The following LRIT1 variants were observed in gnomAD, a reference collection of about 807,000 sequenced individuals.
The protein encoded by LRIT1 is leucine-rich repeat, immunoglobulin-like domain and transmembrane domain-containing protein 1.
A neutral mutation model predicts 24.0 loss-of-function variants in LRIT1; 23 were observed. The observed-to-expected ratio is 0.96, with a 90% confidence interval of 0.69 to 1.36. The LOEUF (loss-of-function observed/expected upper bound fraction) is 1.36, where lower values mean the gene tolerates loss of function less well. Among genes scored for constraint, LRIT1 ranks in the 40% most tolerant of loss-of-function variants. The pLI is 0.00. For synonymous variants in LRIT1, 361 were observed against 340.5 expected, an observed-to-expected ratio of 1.06 and a Z score of -0.66; for missense variants, 846 against 806.3, an observed-to-expected ratio of 1.05 and a Z score of -0.60.
In LRIT1 at chr10:84,232,703, C is replaced by G; in HGVS notation, c.1096G>C (p.Gly366Arg). The change falls in exon 4 of 4, where the codon GGT (glycine) becomes CGT (arginine). Residue 366 changes from glycine to arginine, a missense_variant. Physicochemically the swap from Gly to Arg is moderately radical, Grantham distance 125. Coordinates refer to ENST00000372105, the MANE Select transcript of LRIT1 (RefSeq NM_015613.3). ...TAAGCAGCAGCTTCCCCTCCGCCAC[C>G]TGTCCTTGCCCATAGTGCTCCTGGG... is the stretch of plus-strand genomic sequence containing the variant. The part of the protein sequence containing the change: ...GSPGALWART[G>R]GGGEAAAYNN... 1.2e-6 allele frequency: 2 copies of G among 1,613,904 alleles called. No homozygotes were observed. Among genetic ancestry groups the G allele is most frequent in the Non-Finnish European group, 1.7e-6 (2 of 1,179,882 alleles).
Position 84,241,432 on chromosome 10 carries a change from A to G in LRIT1, c.8T>C (p.Val3Ala), listed in dbSNP as rs1564545813. ...CAAGAGCCAGAGCATGCCTAATGCCACCCTCATGGCTCCTGGCTCCTCTCT... is the reference window on the plus strand; with the variant it reads ...CAAGAGCCAGAGCATGCCTAATGCCGCCCTCATGGCTCCTGGCTCCTCTCT... MR[V>A]ALGMLWLLAL... Residue 3 changes from valine to alanine, a missense_variant, in exon 1 of 4, where the codon GTG (valine) becomes GCG (alanine). Transcript: ENST00000372105. 1.3e-6 allele frequency: 2 copies of G among 1,585,630 alleles called. No homozygotes were observed. The highest frequency in any genetic ancestry group is 1.7e-6 in the Non-Finnish European group (2 of 1,167,490).
chr10:84,232,765 A>G lies in LRIT1; in HGVS notation c.1034T>C (p.Val345Ala). The G allele has an allele frequency of 5.0e-6, 8 of 1,614,024 alleles. No individual in the cohort carries two copies. The highest frequency in any genetic ancestry group is 6.8e-6 in the Non-Finnish European group (8 of 1,180,020). Reference sequence around the variant, plus strand: ...TTCTGTGGAAGTCGGTGGCTCAGTGACAATCAAGGAGATAACAGTTTCAGA... The same window carrying G: ...TTCTGTGGAAGTCGGTGGCTCAGTGGCAATCAAGGAGATAACAGTTTCAGA... ...GASETVISLI[V>A]TEPPTSTEHS... The change falls in exon 4 of 4, where the codon GTC (valine) becomes GCC (alanine). Residue 345 changes from valine to alanine, a missense_variant. Physicochemically the swap from Val to Ala is moderately conservative, Grantham distance 64. Transcript: ENST00000372105.
Position 84,239,929 on chromosome 10 carries a change from G to A in LRIT1, c.122+1389C>T, listed in dbSNP as rs575985834. The stretch of plus-strand genomic sequence containing the variant: ...GGACCCTCCATGCAGATGGGCTGGT[G>A]CATGTTAGCCATGGGATAGTCAGGC... On this transcript the variant is annotated intron_variant, in intron 1 of 3. Transcript: ENST00000372105. Among the ~76,000 whole-genome samples the A allele has an allele frequency of 4.6e-5, 7 of 152,360 alleles. No individual in the cohort carries two copies. In the South Asian group the frequency reaches 8.3e-4, roughly 18 times the overall value.
rs371478118 is a variant in LRIT1 at position 84,241,394 on chromosome 10, G to A, written c.46C>T (p.Pro16Ser). 14 of 1,610,512 alleles carry A rather than the reference G, an allele frequency of 8.7e-6. No individual in the cohort carries two copies. Among genetic ancestry groups the A allele is most frequent in the Admixed American group, 8.4e-5 (5 of 59,560 alleles). Residue 16 changes from proline (P) to serine (S), a missense_variant, in exon 1 of 4, where the codon CCC becomes TCC. By Grantham distance (74) the Pro-to-Ser change is moderately conservative. Coordinates refer to ENST00000372105, the MANE Select transcript of LRIT1 (RefSeq NM_015613.3). ...GGGCAGAAGCCCCGGGCCTGGGGGG[G>A]CCACGCAAGGGCCAAGAGCCAGAGC... The part of the protein sequence containing the change: ...GMLWLLALAW[P>S]PQARGFCPSQ...
intron 1 of LRIT1, among the ~76,000 whole-genome samples, chr10:84,238,104 A>T (rs374475401): frequency 1.3e-5 from 2 of 152,222 alleles, no homozygotes; most frequent in South Asian, 2.1e-4. Context: ...CTGTAATCCC[A>T]GCACTTTGGG....
rs1052410758 is a variant in LRIT1, at chr10:84,232,713, C to A, written c.1086G>T (p.Trp362Cys). ...TEHSGSPGAL[W>C]ARTGGGGEAA... is the part of the protein sequence containing the mutation. ...CTTCCCCTCCGCCACCTGTCCTTGC[C>A]CATAGTGCTCCTGGGCTCCCACTGT... Residue 362 changes from tryptophan (W) to cysteine (C), a missense_variant, in exon 4 of 4, where the codon TGG becomes TGT. By Grantham distance (215) the Trp-to-Cys change is radical. Coordinates refer to ENST00000372105, the MANE Select transcript of LRIT1 (RefSeq NM_015613.3). The A allele has an allele frequency of 6.2e-7, 1 of 1,613,946 alleles. No homozygotes were observed. The highest frequency in any genetic ancestry group is 8.5e-7 in the Non-Finnish European group (1 of 1,179,954).
At chr10:84,240,551 G>A (rs536686788) in intron 1 of LRIT1, among the ~76,000 whole-genome samples, 139 of 152,278 alleles carry the variant, frequency 9.1e-4, no homozygotes, top group African/African-American at 2.1e-3. Context: ...TGATTTAAAC[G>A]TTGCTAAAGA....
chr10:84,232,490 C>T lies in LRIT1; in HGVS notation c.1309G>A (p.Val437Met), dbSNP rs1454954803. 1 of 1,614,174 alleles carries T rather than the reference C, an allele frequency of 6.2e-7. No individual in the cohort carries two copies. The highest frequency in any genetic ancestry group is 1.3e-5 in the African/African-American group (1 of 75,060). The part of the protein sequence containing the change: ...EARMVRSVKV[V>M]GDTYHSVSLV... ...GACACGCTGTGGTAAGTGTCCCCCA[C>T]CACCTTCACAGACCTCACCATTCGT... is the stretch of plus-strand genomic sequence containing the variant. Residue 437 changes from valine (V) to methionine (M), a missense_variant, in exon 4 of 4, where the codon GTG becomes ATG. Transcript: ENST00000372105.
chr10:84,240,102 T>C (rs1842680802), intron 1 of LRIT1, among the ~76,000 whole-genome samples: 1 of 152,244 alleles, frequency 6.6e-6, no homozygotes, highest in Admixed American at 6.5e-5. Context: ...ACCAGATAAG[T>C]GTTCTGAAAA....
At chr10:84,241,283 G>T (rs1842688518) in intron 1 of LRIT1, 35 bp downstream of exon 1, 1 of 1,613,294 alleles carries the variant, frequency 6.2e-7, no homozygotes, top group Admixed American at 1.7e-5. Flanking sequence ...AGCAATGGAG[G>T]CTGGGCTGCC....
intron 1 of LRIT1, among the ~76,000 whole-genome samples, chr10:84,239,773 G>T (rs1842678375): frequency 6.6e-6 from 1 of 152,218 alleles, no homozygotes; most frequent in African/African-American, 2.4e-5. Flanking sequence ...TGGGCTCTCT[G>T]AGAGGCCCAG....
chr10:84,239,368 C>G (rs961475179), intron 1 of LRIT1, among the ~76,000 whole-genome samples: 4 of 152,180 alleles, frequency 2.6e-5, no homozygotes, highest in Non-Finnish European at 4.4e-5. Context: ...TGGCTTGAGC[C>G]TAGGAGTTGG....
rs895168511 is a variant in LRIT1 at position 84,237,385 on chromosome 10, G to T, written c.424C>A (p.Arg142Ser). Residue 142 changes from arginine (R) to serine (S), a missense_variant, in exon 2 of 4, where the codon CGC becomes AGC. Coordinates refer to ENST00000372105, the MANE Select transcript of LRIT1 (RefSeq NM_015613.3). ...GCCTCAGCGGGCACAGCCGAGAGGC[G>T]GTTGGCCTGCAGGTCCAGCAGCCGC... Reference protein sequence around the residue: ...KLRLLDLQANRLSAVPAEAAR... With the variant: ...KLRLLDLQANSLSAVPAEAAR... The T allele has an allele frequency of 3.2e-6, 5 of 1,548,634 alleles. No homozygotes were observed. In the Admixed American group the frequency reaches 7.8e-5, roughly 24 times the overall value.
Position 84,232,687 on chromosome 10 carries a change from G to A in LRIT1, c.1112C>T (p.Ala371Val). Residue 371 changes from alanine to valine, a missense_variant, in exon 4 of 4, where the codon GCT becomes GTT. Coordinates refer to ENST00000372105, the MANE Select transcript of LRIT1 (RefSeq NM_015613.3). ...CACCAGCTTGTTGTTGTAAGCAGCA[G>A]CTTCCCCTCCGCCACCTGTCCTTGC... Reference protein sequence around the residue: ...LWARTGGGGEAAAYNNKLVAR... With the variant: ...LWARTGGGGEVAAYNNKLVAR... 6.2e-7 allele frequency: 1 copy of A among 1,613,800 alleles called. No homozygotes were observed. Among genetic ancestry groups the A allele is most frequent in the Non-Finnish European group, 8.5e-7 (1 of 1,179,788 alleles).
intron 2 of LRIT1, among the ~76,000 whole-genome samples, chr10:84,236,661 T>C (rs1257959030): frequency 6.6e-6 from 1 of 152,216 alleles, no homozygotes; most frequent in Non-Finnish European, 1.5e-5. Flanking sequence ...TCTGAACAGA[T>C]AGGGAGCTTG....
Position 84,234,243 on chromosome 10 carries a change from G to A in LRIT1, c.725C>T (p.Ala242Val), listed in dbSNP as rs763729176. The change falls in exon 3 of 4, where the codon GCC becomes GTC. Residue 242 changes from alanine (A) to valine (V), a missense_variant. Ala to Val is a moderately conservative substitution (Grantham distance 64, BLOSUM62 0). Coordinates refer to ENST00000372105, the MANE Select transcript of LRIT1 (RefSeq NM_015613.3). ...CTTCCTCAGTTCAAGCTGGCTGAAG[G>A]CCACTCCGGCCAGGCTACGTGGGCT... The part of the protein sequence containing the change: ...CASPRSLAGV[A>V]FSQLELRKCQ... The A allele has an allele frequency of 1.2e-6, 2 of 1,614,018 alleles. No homozygotes were observed. Among genetic ancestry groups the A allele is most frequent in the Admixed American group, 1.7e-5 (1 of 60,006 alleles).
rs146083249 is a variant in LRIT1, at chr10:84,231,596, C to A, written c.*331G>T. On this transcript the variant is annotated 3_prime_UTR_variant, in exon 4 of 4. Coordinates refer to ENST00000372105, the MANE Select transcript of LRIT1 (RefSeq NM_015613.3). ...AATAAGTGTTCACTGCTATACATCACCAAGATTTTGCTTTCATTTGTTATA... is the reference window on the plus strand; with the variant it reads ...AATAAGTGTTCACTGCTATACATCAACAAGATTTTGCTTTCATTTGTTATA... 1.0e-4 allele frequency: 33 copies of A among 326,144 alleles called. No homozygotes were observed. The highest frequency in any genetic ancestry group is 1.8e-4 in the Non-Finnish European group (31 of 172,682). The allele number at this position is 326,144 out of a possible 1,614,324, so 20.2% of individuals were successfully genotyped here.
chr10:84,237,416 G>A lies in LRIT1; in HGVS notation c.393C>T (p.Pro131=). 3 of 1,547,062 alleles carry A rather than the reference G, an allele frequency of 1.9e-6. No individual in the cohort carries two copies. Among genetic ancestry groups the A allele is most frequent in the Non-Finnish European group, 2.6e-6 (3 of 1,147,256 alleles). ...CCTGCAGGTCCAGCAGCCGCAGCTT[G>A]GGGGCGTCCCTGAGCGCCGCCCAGG... ...AFPWAALRDA[P]KLRLLDLQAN... is the part of the protein sequence containing the mutation. The change falls in exon 2 of 4, where the codon CCC becomes CCT. Residue 131 remains proline (P), a synonymous_variant. Transcript: ENST00000372105.
At position 84,234,320 on chromosome 10, in the gene LRIT1, CA is replaced by C. The variant is rs1262890674; in HGVS notation, c.647del (p.Leu216TrpfsTer15). ...DCRLYDLVHL[L>X]DGWAPNLAFI... ...AGGCCAAGTTTGGGGCCCAGCCATC[CA>C]AAAGATGAACCAGGTCATAGAGTCG... On this transcript the variant is annotated frameshift_variant, in exon 3 of 4. Transcript: ENST00000372105. LOFTEE classifies it high-confidence loss of function. 3.1e-6 allele frequency: 5 copies of C among 1,604,290 alleles called. No homozygotes were observed. Among genetic ancestry groups the C allele is most frequent in the Non-Finnish European group, 4.3e-6 (5 of 1,174,708 alleles).
Sources: allele counts gnomAD v4.1 joint callset (sites outside exome capture counted in the v4.1 genomes callset), GRCh38; gene constraint gnomAD v4.1.1; transcripts MANE v1.5; gene names NCBI Gene and HGNC (gene_info 2026-07-23, HGNC 2026-07-21).